The following DAAM2 variants were observed in gnomAD, a reference collection of about 807,000 sequenced individuals.
The protein encoded by DAAM2 is dishevelled associated activator of morphogenesis 2.
Under a neutral mutation model 120.7 loss-of-function variants are expected in DAAM2, and 39 were observed. The observed-to-expected ratio is 0.32, with a 90% CI of 0.25 to 0.42. DAAM2 has a LOEUF of 0.42. Among genes scored for constraint, DAAM2 ranks in the 10% least tolerant of loss-of-function variants. The probability of loss-of-function intolerance (pLI) is 1.00; values close to 1 mark genes in which losing one functional copy is unlikely to be tolerated. For missense variants in DAAM2, 1,283 were observed against 1,401.7 expected (o/e 0.92, Z 1.35); for synonymous variants, 488 against 524.9 (o/e 0.93, Z 0.96).
chr6:39,893,390 C>T (rs1765862027), intron 19 of DAAM2, among the ~76,000 whole-genome samples: 1 of 152,070 alleles, frequency 6.6e-6, no homozygotes, highest in Admixed American at 6.6e-5. Context: ...TGGAGGTGGG[C>T]ACCTGTAGTC....
chr6:39,897,084 C>A (rs567967881), intron 20 of DAAM2, 91 bp from the exon 21 acceptor site: 1 of 1,518,564 alleles, frequency 6.6e-7, no homozygotes, highest in South Asian at 1.2e-5. Context: ...AGACTCATCA[C>A]CCCTTTCTCT....
intron 1 of DAAM2, among the ~76,000 whole-genome samples, chr6:39,812,928 A>G (rs2039114): frequency 0.11 from 16,146 of 152,100 alleles, 1,901 homozygotes; most frequent in East Asian, 0.55. Flanking sequence ...CCAAGAAAGC[A>G]CGATTCCTCA....
chr6:39,897,131 C>G, intron 20 of DAAM2, 44 bp from the exon 21 acceptor site: 1 of 1,554,652 alleles, frequency 6.4e-7, no homozygotes, highest in South Asian at 1.1e-5. Context: ...CCCTCGTGCC[C>G]AGTTTCCTCT....
intron 1 of DAAM2, among the ~76,000 whole-genome samples, chr6:39,849,962 G>A (rs1007636734): frequency 2.0e-5 from 3 of 152,216 alleles, no homozygotes; most frequent in Non-Finnish European, 4.4e-5. Flanking sequence ...ATGTCCGCCT[G>A]TGGAGCAGGA....
intron 20 of DAAM2, 96 bp from the exon 21 acceptor site, chr6:39,897,079 C>T: frequency 6.6e-7 from 1 of 1,515,870 alleles, no homozygotes. Flanking sequence ...TCCTAAGACT[C>T]ATCACCCCTT....
In DAAM2 at chr6:39,843,356, A is replaced by G. The variant is rs999669331; in HGVS notation, c.-56-12891A>G. Among the ~76,000 whole-genome samples the G allele has an allele frequency of 5.9e-5, 9 of 152,332 alleles. No homozygotes were observed. In the East Asian group the frequency reaches 1.5e-3, roughly 26 times the overall value. ...GAAAGATCAGGGTGGGGAGTAGTCC[A>G]GCAGTTACTGAGATGTAGATCAACG... On this transcript the variant is annotated intron_variant, in intron 1 of 24. Transcript: ENST00000274867.
At position 39,878,447 on chromosome 6, in the gene DAAM2, A is replaced by C. The variant is rs747194430; in HGVS notation, c.1404A>C (p.Glu468Asp). 1 of 1,612,126 alleles carries C rather than the reference A, an allele frequency of 6.2e-7. No homozygotes were observed. Residue 468 changes from glutamate (E) to aspartate (D), a missense_variant, in exon 13 of 25, where the codon GAA (glutamate) becomes GAC (aspartate). By Grantham distance (45) the Glu-to-Asp change is conservative. Around this residue, in one of 3 missense-constraint regions of DAAM2, gnomAD observed 338 missense variants for 443.9 expected, o/e 0.76. Transcript: ENST00000274867. This position sits in a 1 kb window ranked among gnomAD's most constrained non-coding sequence, Gnocchi z 5.0. ...LVSRLERKERECETKTLEKEE... is the reference protein window; with the variant it reads ...LVSRLERKERDCETKTLEKEE... ...GCCGTCTGGAGAGGAAGGAGCGGGA[A>C]TGCGAGACAAAGACATTGGAGAAGG...
At chr6:39,806,301 G>A (rs1308992140) in intron 1 of DAAM2, among the ~76,000 whole-genome samples, 3 of 152,162 alleles carry the variant, frequency 2.0e-5, no homozygotes, top group African/African-American at 7.2e-5. Context: ...CTCCTTCCAG[G>A]TATGTTATTA....
rs752095240 is a variant in DAAM2, at chr6:39,828,751, C to T, written c.-56-27496C>T. Among the ~76,000 whole-genome samples the T allele has an allele frequency of 3.3e-5, 5 of 152,012 alleles. No homozygotes were observed. The East Asian group carries it at 5.8e-4, about 18-fold the overall frequency. On this transcript the variant is annotated intron_variant, in intron 1 of 24. Transcript: ENST00000274867. ...CTAATTTTTGTATTTTTGGTAGAGACGGGGTTTCACCATGTTGGCCTGGAT... is the reference window on the plus strand; with the variant it reads ...CTAATTTTTGTATTTTTGGTAGAGATGGGGTTTCACCATGTTGGCCTGGAT...
intron 1 of DAAM2, among the ~76,000 whole-genome samples, chr6:39,811,950 C>G (rs760092445): frequency 6.6e-6 from 1 of 152,158 alleles, no homozygotes; most frequent in Non-Finnish European, 1.5e-5. Context: ...CCCCTGTAGA[C>G]CCTCTGTGAT....
At chr6:39,899,857 C>T (rs770676104) in intron 22 of DAAM2, 84 of 448,772 alleles carry the variant, frequency 1.9e-4, no homozygotes, top group Non-Finnish European at 2.9e-4. Context: ...CCCCAGGTCA[C>T]ATGTTGGGTC....
rs1162650523 is a variant in DAAM2, at chr6:39,798,139, A to G, written c.-57+5674A>G. On this transcript the variant is annotated intron_variant, in intron 1 of 24. Coordinates refer to ENST00000274867, the MANE Select transcript of DAAM2 (RefSeq NM_001201427.2). ...GATCCCAGACATGAACAGAGCAAGT[A>G]TAGTAGCTTAGGGAAGGTCATTACT... Among the ~76,000 whole-genome samples the G allele has an allele frequency of 5.3e-5, 8 of 152,334 alleles. No homozygotes were observed. The East Asian group carries it at 1.5e-3, about 29-fold the overall frequency.
intron 1 of DAAM2, among the ~76,000 whole-genome samples, chr6:39,817,926 C>G (rs926487816): frequency 3.3e-5 from 5 of 152,104 alleles, no homozygotes; most frequent in Non-Finnish European, 7.4e-5. Context: ...CGCCTGTAAT[C>G]CCAGCACTTT....
chr6:39,853,820 T>C (rs575538564), intron 1 of DAAM2, among the ~76,000 whole-genome samples: 2 of 152,336 alleles, frequency 1.3e-5, no homozygotes, highest in South Asian at 4.1e-4. Flanking sequence ...GCAGTCTTGC[T>C]TGCCAGCTGC....
At chr6:39,891,536 G>C in intron 18 of DAAM2, 89 bp downstream of exon 18, 1 of 1,509,368 alleles carries the variant, frequency 6.6e-7, no homozygotes. Context: ...GGGGATGGAG[G>C]TGGGCAGGCT....
At chr6:39,793,470 C>A (rs574015680) in intron 1 of DAAM2, among the ~76,000 whole-genome samples, 406 of 151,648 alleles carry the variant, frequency 2.7e-3, no homozygotes, top group Non-Finnish European at 4.7e-3. Context: ...CACTTCTCCA[C>A]AGTTTTGGAG....
intron 14 of DAAM2, among the ~76,000 whole-genome samples, chr6:39,880,932 C>T (rs1321223898): frequency 6.6e-6 from 1 of 152,172 alleles, no homozygotes; most frequent in Non-Finnish European, 1.5e-5. Flanking sequence ...AGTAGGCCAA[C>T]CGCTCTGCAG....
At chr6:39,899,183 C>G (rs1323202799) in intron 22 of DAAM2, among the ~76,000 whole-genome samples, 1 of 152,164 alleles carries the variant, frequency 6.6e-6, no homozygotes, top group Non-Finnish European at 1.5e-5. Context: ...TGGAATGAAC[C>G]ATACATCTGA....
At chr6:39,843,251 T>C (rs571628775) in intron 1 of DAAM2, among the ~76,000 whole-genome samples, 1 of 152,160 alleles carries the variant, frequency 6.6e-6, no homozygotes, top group African/African-American at 2.4e-5. Context: ...TGAGCAATGG[T>C]GCATTTAAGG....
Sources: gnomAD v4.1 joint callset for allele counts (sites outside exome capture counted in the v4.1 genomes callset) on GRCh38, gnomAD v4.1.1 for gene constraint, gnomAD v4.1.1 regional missense constraint, Gnocchi (gnomAD v3.1) non-coding constraint, MANE v1.5 for transcripts, NCBI Gene and HGNC (gene_info 2026-07-23, HGNC 2026-07-21) for gene names.